ADGRG2: variants seen among roughly 807,000 people sequenced by gnomAD.
ADGRG2 encodes the protein adhesion G protein-coupled receptor G2, also known as G protein-coupled receptor 64.
In ADGRG2, 26 loss-of-function variants were observed where a neutral mutation model predicts 74.1. The observed-to-expected ratio is 0.35, with a 90% CI of 0.26 to 0.49. ADGRG2 has a LOEUF of 0.49. Among genes scored for constraint, ADGRG2 ranks in the 20% least tolerant of loss-of-function variants. The pLI is 0.99. For missense variants in ADGRG2, 619 were observed against 763.1 expected (o/e 0.81, Z 2.22); for synonymous variants, 296 against 295.2 (o/e 1.00, Z -0.03).
rs776167413 is a variant in ADGRG2 at position 19,013,714 on chromosome X, G to A, written c.1071C>T (p.Asn357=). ...SPTVSAPANV[N]TTSAPPVQTD... ...TCTGGACAGGAGGTGCGCTGGTAGT[G>A]TTGACATTCGCAGGGGCAGACACGG... is the stretch of plus-strand genomic sequence containing the variant. Residue 357 remains asparagine, a synonymous_variant, in exon 16 of 29, where the codon AAC becomes AAT. Coordinates refer to ENST00000379869, the MANE Select transcript of ADGRG2 (RefSeq NM_001079858.3). The A allele has an allele frequency of 1.7e-6, 2 of 1,198,363 alleles. No individual in the cohort carries two copies. The highest frequency in any genetic ancestry group is 4.5e-5 in the Admixed American group (2 of 44,097).
chrX:19,016,085 G>A (rs1295770745), intron 15 of ADGRG2, among the ~76,000 whole-genome samples: 1 of 111,737 alleles, frequency 8.9e-6, no homozygotes, highest in African/African-American at 3.3e-5. Context: ...CCGATGCCTG[G>A]GCTCCCACTC....
At chrX:19,118,372 C>A (rs1473297572) in intron 1 of ADGRG2, among the ~76,000 whole-genome samples, 1 of 111,913 alleles carries the variant, frequency 8.9e-6, no homozygotes, top group African/African-American at 3.2e-5. Flanking sequence ...AAAAAGGATA[C>A]AATTTCTTTT....
rs2060409768 is a variant in ADGRG2, at chrX:19,013,860, G to A, written c.925C>T (p.Pro309Ser). The change falls in exon 16 of 29, where the codon CCC (proline) becomes TCC (serine). Residue 309 changes from proline to serine, a missense_variant. Pro to Ser is a moderately conservative substitution (Grantham distance 74, BLOSUM62 -1). Transcript: ENST00000379869. ...TCAATGGCAGGGCTGGAAGCTATGGGAGCTGAAGGCTGGGGTGAAAGGGGT... is the reference window on the plus strand; with the variant it reads ...TCAATGGCAGGGCTGGAAGCTATGGAAGCTGAAGGCTGGGGTGAAAGGGGT... ...IQPLSPQPSA[P>S]IASSPAIDMP... 1 of 1,209,284 alleles carries A rather than the reference G, an allele frequency of 8.3e-7. No individual in the cohort carries two copies.
At chrX:18,998,368 C>G (rs762065852) in intron 26 of ADGRG2, among the ~76,000 whole-genome samples, 178 of 110,702 alleles carry the variant, frequency 1.6e-3, no homozygotes, top group African/African-American at 5.7e-3. Flanking sequence ...GAATAATTGA[C>G]TTTTTCAAAA....
Position 19,082,921 on chromosome X carries a change from C to G in ADGRG2, c.-46-175G>C, listed in dbSNP as rs142976122. 8.0e-4 allele frequency among the ~76,000 whole-genome samples: 89 copies of G among 111,701 alleles called. No individual in the cohort carries two copies. In the East Asian group the frequency reaches 0.022, roughly 27 times the overall value. On this transcript the variant is annotated intron_variant, in intron 1 of 28. Transcript: ENST00000379869. The stretch of plus-strand genomic sequence containing the variant: ...GAGTTACAGAAAAAATGGATGTAAA[C>G]CCTGCTGCTGAGGAACTTATATATA...
At chrX:19,115,267 T>C in intron 1 of ADGRG2, among the ~76,000 whole-genome samples, 1 of 111,520 alleles carries the variant, frequency 9.0e-6, no homozygotes, top group South Asian at 3.8e-4. Flanking sequence ...AAGCACCTAC[T>C]ACGTCCCACT....
chrX:19,054,643 G>A (rs1346729568), intron 3 of ADGRG2, among the ~76,000 whole-genome samples: 1 of 112,504 alleles, frequency 8.9e-6, no homozygotes, highest in Non-Finnish European at 1.9e-5. Flanking sequence ...GTTTTATTTA[G>A]AAGTATTAGC....
intron 9 of ADGRG2, among the ~76,000 whole-genome samples, chrX:19,029,435 C>A (rs1668623440): frequency 9.0e-6 from 1 of 111,399 alleles, no homozygotes; most frequent in Non-Finnish European, 1.9e-5. Context: ...GAAGCCAGCA[C>A]CTTTTGACTA....
At chrX:19,004,268 T>A (rs191657985) in intron 23 of ADGRG2, among the ~76,000 whole-genome samples, 1 of 112,595 alleles carries the variant, frequency 8.9e-6, no homozygotes, top group Non-Finnish European at 1.9e-5. Flanking sequence ...TAGAATGGCA[T>A]TCTTGCTGCA....
chrX:19,003,007 A>G lies in ADGRG2; in HGVS notation c.2069T>C (p.Met690Thr). The G allele has an allele frequency of 8.3e-7, 1 of 1,206,490 alleles. No homozygotes were observed. The highest frequency in any genetic ancestry group is 1.1e-6 in the Non-Finnish European group (1 of 890,534). ...AGCCACTGAGATGCAGAGGCCTTGC[A>G]TCTTATACAGAGCAATCCACGAGTC... ...LLDSWIALYK[M>T]QGLCISVAVF... The change falls in exon 24 of 29, where the codon ATG becomes ACG. Residue 690 changes from methionine to threonine, a missense_variant. Met to Thr is a moderately conservative substitution (Grantham distance 81). Transcript: ENST00000379869.
intron 3 of ADGRG2, among the ~76,000 whole-genome samples, chrX:19,067,768 C>T (rs1009466908): frequency 8.9e-6 from 1 of 111,953 alleles, no homozygotes; most frequent in Non-Finnish European, 1.9e-5. Context: ...CCAGAATACA[C>T]AAAGAACTTC....
chrX:19,038,270 C>T (rs760332430), intron 4 of ADGRG2, among the ~76,000 whole-genome samples: 68 of 112,166 alleles, frequency 6.1e-4, no homozygotes, highest in Non-Finnish European at 1.0e-3. Flanking sequence ...TTGACCTCTA[C>T]CTAAACATGG....
intron 28 of ADGRG2, among the ~76,000 whole-genome samples, chrX:18,993,356 A>G (rs1042619746): frequency 1.8e-5 from 2 of 110,455 alleles, no homozygotes; most frequent in African/African-American, 6.6e-5. Context: ...GAAGTTGAGA[A>G]ACCTTGATTT....
intron 6 of ADGRG2, among the ~76,000 whole-genome samples, chrX:19,036,704 CTG>C (rs1223326226): frequency 9.1e-6 from 1 of 110,364 alleles, no homozygotes; most frequent in African/African-American, 3.3e-5. Context: ...ATTATTTTCA[CTG>C]TGAGAAGTAA....
intron 18 of ADGRG2, among the ~76,000 whole-genome samples, chrX:19,009,173 C>T (rs1437771116): frequency 3.7e-5 from 4 of 109,392 alleles, no homozygotes; most frequent in African/African-American, 1.3e-4. Context: ...CCAGCCAAGA[C>T]CAACGTCTTT....
At chrX:19,071,485 C>T (rs2061652609) in intron 2 of ADGRG2, among the ~76,000 whole-genome samples, 2 of 111,704 alleles carry the variant, frequency 1.8e-5, no homozygotes, top group African/African-American at 3.3e-5. Flanking sequence ...CTCAGTGCAG[C>T]TCAGAAATAT....
At chrX:18,994,727 C>A (rs1039413747) in intron 28 of ADGRG2, among the ~76,000 whole-genome samples, 169 bp downstream of exon 28, 2 of 111,891 alleles carry the variant, frequency 1.8e-5, no homozygotes, top group African/African-American at 6.5e-5. Flanking sequence ...TATAATAAAT[C>A]AATTTGGATT....
intron 1 of ADGRG2, among the ~76,000 whole-genome samples, chrX:19,112,023 G>A (rs1387530319): frequency 1.8e-5 from 2 of 110,106 alleles, no homozygotes; most frequent in African/African-American, 6.6e-5. Flanking sequence ...TTAAAGAATA[G>A]ATCATACAAA....
At chrX:19,066,445 CTTTTTTTTTTTTTTTT>C (rs1225489257) in intron 3 of ADGRG2, among the ~76,000 whole-genome samples, 1 of 39,941 alleles carries the variant, frequency 2.5e-5, no homozygotes, top group East Asian at 1.0e-3. Flanking sequence ...GAGGATGCTT[CTTTTTTTTTTTTTTTT>C]TTTTTTTTTT....
Sources: gnomAD v4.1 joint callset for allele counts (sites outside exome capture counted in the v4.1 genomes callset) on GRCh38, gnomAD v4.1.1 for gene constraint, MANE v1.5 for transcripts, NCBI Gene and HGNC (gene_info 2026-07-23, HGNC 2026-07-21) for gene names.